CUBN: variants seen among roughly 807,000 people sequenced by gnomAD.
CUBN encodes the protein 460 kDa receptor.
Under a neutral mutation model 405.3 loss-of-function variants are expected in CUBN, and 282 were observed. That is an observed-to-expected ratio of 0.70 (90% CI 0.63 to 0.77). CUBN has a LOEUF of 0.77. CUBN is among the 30% of genes least tolerant of loss of function. The probability of loss-of-function intolerance (pLI) is 0.00; values close to 1 mark genes in which losing one functional copy is unlikely to be tolerated. For synonymous variants in CUBN, 1,684 were observed against 1,617.0 expected, an observed-to-expected ratio of 1.04 and a Z score of -0.99; for missense variants, 4,514 against 4,475.2, an observed-to-expected ratio of 1.01 and a Z score of -0.25.
chr10:17,028,226 TTTATTATTATTATTA>T (rs57633202), intron 27 of CUBN, among the ~76,000 whole-genome samples: 5 of 144,180 alleles, frequency 3.5e-5, no homozygotes, highest in Non-Finnish European at 7.6e-5. Flanking sequence ...ACACTAAACA[TTTATTATTATTATTA>T]TTATTATTAT....
At chr10:17,111,148 G>T in intron 8 of CUBN, 98 bp from the exon 9 acceptor site, 2 of 1,347,566 alleles carry the variant, frequency 1.5e-6, no homozygotes, top group Non-Finnish European at 1.1e-6. Flanking sequence ...TCCACCTAAG[G>T]AACTATAAAA....
chr10:17,047,134 G>T (rs1454756246), intron 23 of CUBN, among the ~76,000 whole-genome samples: 2 of 152,160 alleles, frequency 1.3e-5, no homozygotes, highest in Non-Finnish European at 2.9e-5. Flanking sequence ...CATCATTTCA[G>T]AGTAGTAGCA....
intron 56 of CUBN, among the ~76,000 whole-genome samples, chr10:16,884,215 C>G (rs1840745864): frequency 6.6e-6 from 1 of 152,178 alleles, no homozygotes; most frequent in Admixed American, 6.5e-5. Context: ...ACCCCCTGAC[C>G]TCATGATCCG....
At chr10:17,010,497 GGTGCA>G (rs1834151155) in intron 28 of CUBN, among the ~76,000 whole-genome samples, 1 of 151,890 alleles carries the variant, frequency 6.6e-6, no homozygotes, top group Admixed American at 6.6e-5. Flanking sequence ...AAAAATGCCA[GGTGCA>G]GTGGTACACA....
intron 59 of CUBN, among the ~76,000 whole-genome samples, chr10:16,862,158 T>A (rs11254253): frequency 0.029 from 2,590 of 90,670 alleles, 83 homozygotes; most frequent in African/African-American, 0.13. Flanking sequence ...TCTCTCTCTC[T>A]CTCACACACA....
rs1406028796 is a variant in CUBN, at chr10:16,994,271, T to G, written c.4169-3756A>C. 3.3e-5 allele frequency among the ~76,000 whole-genome samples: 5 copies of G among 152,252 alleles called. No individual in the cohort carries two copies. The East Asian group carries it at 9.6e-4, about 29-fold the overall frequency. On this transcript the variant is annotated intron_variant, in intron 28 of 66. Transcript: ENST00000377833. ...CTATAGAAGCCAAGCATATTTAATA[T>G]CTCTTGAAAAAAAGAAAGACATTTA... is the stretch of plus-strand genomic sequence containing the variant.
intron 28 of CUBN, among the ~76,000 whole-genome samples, chr10:17,008,897 A>T (rs950278866): frequency 6.6e-6 from 1 of 152,136 alleles, no homozygotes; most frequent in East Asian, 1.9e-4. Flanking sequence ...GGCACAAAAG[A>T]CATCCTTAGT....
rs3012493 is a variant in CUBN, at chr10:16,983,829, C to T, written c.4525+276G>A. ...AGGTATGGAGGCTGGTTAAGAGGTACGAGCCCTTGGAGAGTGGGTCTGGCC... is the reference window on the plus strand; with the variant it reads ...AGGTATGGAGGCTGGTTAAGAGGTATGAGCCCTTGGAGAGTGGGTCTGGCC... On this transcript the variant is annotated intron_variant, in intron 30 of 66. Coordinates refer to ENST00000377833, the MANE Select transcript of CUBN (RefSeq NM_001081.4). Among the ~76,000 whole-genome samples the T allele has an allele frequency of 0.73, 111,445 of 152,132 alleles. 43,698 individuals carry two copies. The highest frequency in any genetic ancestry group is 0.89 in the Non-Finnish European group (60,759 of 68,010).
At chr10:17,038,292 A>G (rs1834941595) in intron 27 of CUBN, among the ~76,000 whole-genome samples, 1 of 152,230 alleles carries the variant, frequency 6.6e-6, no homozygotes, top group South Asian at 2.1e-4. Context: ...CAAAATAAAA[A>G]TGGAAGACTG....
chr10:16,835,443 C>T (rs574204989), intron 63 of CUBN, among the ~76,000 whole-genome samples: 76 of 152,194 alleles, frequency 5.0e-4, no homozygotes, highest in Non-Finnish European at 9.1e-4. Context: ...ACACAGGAGG[C>T]TTCTCCTTTA....
chr10:16,855,904 C>G (rs1247950765), intron 59 of CUBN, among the ~76,000 whole-genome samples: 1 of 152,178 alleles, frequency 6.6e-6, no homozygotes, highest in Non-Finnish European at 1.5e-5. Context: ...AATTCCCCCT[C>G]TTTAGTGCTT....
chr10:17,041,338 T>C lies in CUBN; in HGVS notation c.3830-118A>G, dbSNP rs958224028. The stretch of plus-strand genomic sequence containing the variant: ...ATCTGTGTATGTACACACACACATA[T>C]ATGATGTGTATATATGTGTGTGTAT... On this transcript the variant is annotated intron_variant, in intron 26 of 66. Coordinates refer to ENST00000377833, the MANE Select transcript of CUBN (RefSeq NM_001081.4). 25 of 770,552 alleles carry C rather than the reference T, an allele frequency of 3.2e-5. No individual in the cohort carries two copies. In the African/African-American group the frequency reaches 3.6e-4, roughly 11 times the overall value. The allele number at this position is 770,552 out of a possible 1,614,324, so 47.7% of individuals were successfully genotyped here.
chr10:16,856,006 T>C (rs980668691), intron 59 of CUBN, among the ~76,000 whole-genome samples: 1 of 152,198 alleles, frequency 6.6e-6, no homozygotes, highest in Non-Finnish European at 1.5e-5. Flanking sequence ...AGAAGGGTTC[T>C]TTCCCAAAAG....
intron 31 of CUBN, among the ~76,000 whole-genome samples, chr10:16,968,633 C>T (rs1235251138): frequency 6.6e-6 from 1 of 152,246 alleles, no homozygotes; most frequent in Non-Finnish European, 1.5e-5. Flanking sequence ...CCTCTTCCTG[C>T]TCTCACACTG....
chr10:16,994,819 G>T (rs997839187), intron 28 of CUBN, among the ~76,000 whole-genome samples: 2 of 152,214 alleles, frequency 1.3e-5, no homozygotes, highest in African/African-American at 4.8e-5. Context: ...GCCAGGCGTG[G>T]TAGTTCACAC....
At chr10:16,870,294 A>G (rs942305499) in intron 58 of CUBN, among the ~76,000 whole-genome samples, 10 of 152,234 alleles carry the variant, frequency 6.6e-5, no homozygotes, top group African/African-American at 1.9e-4. Flanking sequence ...GCATGTTAAT[A>G]TAATAGAAGA....
At chr10:16,903,942 C>A in intron 51 of CUBN, 24 bp downstream of exon 51, 1 of 1,496,638 alleles carries the variant, frequency 6.7e-7, no homozygotes, top group Non-Finnish European at 9.2e-7. Context: ...GTAATTTTAT[C>A]AAGATCTTAA....
intron 27 of CUBN, among the ~76,000 whole-genome samples, chr10:17,031,253 T>A (rs11254334): frequency 0.026 from 3,977 of 152,290 alleles, 167 homozygotes; most frequent in African/African-American, 0.09. Flanking sequence ...ACCTAAAGAA[T>A]TGAAGGCTCT....
chr10:16,886,890 G>A (rs1435556232), intron 56 of CUBN, among the ~76,000 whole-genome samples: 5 of 152,236 alleles, frequency 3.3e-5, no homozygotes, highest in Non-Finnish European at 4.4e-5. Flanking sequence ...CTGGGTTCAA[G>A]CGATTCTCCT....
Sources: gnomAD v4.1 joint callset for allele counts (sites outside exome capture counted in the v4.1 genomes callset) on GRCh38, gnomAD v4.1.1 for gene constraint, MANE v1.5 for transcripts, NCBI Gene and HGNC (gene_info 2026-07-23, HGNC 2026-07-21) for gene names.